The following CNTNAP4 variants were observed in gnomAD, a reference collection of about 807,000 sequenced individuals.
CNTNAP4 encodes the protein contactin-associated protein-like 4.
Under a neutral mutation model 148.4 loss-of-function variants are expected in CNTNAP4, and 98 were observed. The observed-to-expected ratio is 0.66, with a 90% confidence interval of 0.56 to 0.78. The LOEUF is 0.78. CNTNAP4 is among the 30% of genes least tolerant of loss of function. The pLI is 0.00. For synonymous variants in CNTNAP4, 730 were observed against 565.1 expected, an observed-to-expected ratio of 1.29 and a Z score of -4.14; for missense variants, 1,935 against 1,565.6, an observed-to-expected ratio of 1.24 and a Z score of -3.98.
chr16:76,453,630 A>G (rs942253771), intron 8 of CNTNAP4, among the ~76,000 whole-genome samples: 5 of 152,188 alleles, frequency 3.3e-5, no homozygotes, highest in African/African-American at 1.2e-4. Flanking sequence ...ACTCCTCTAT[A>G]TTAAGTATGA....
At chr16:76,398,621 C>G (rs565918482) in intron 3 of CNTNAP4, among the ~76,000 whole-genome samples, 2 of 152,194 alleles carry the variant, frequency 1.3e-5, no homozygotes, top group South Asian at 4.1e-4. Flanking sequence ...AAAAATTTTA[C>G]TACATAACAT....
chr16:76,491,350 C>T (rs944874493), intron 13 of CNTNAP4, among the ~76,000 whole-genome samples: 2 of 152,178 alleles, frequency 1.3e-5, no homozygotes, highest in African/African-American at 4.8e-5. Context: ...GCATCTAGAA[C>T]ATAGATAGAT....
At chr16:76,529,917 T>A (rs986704349) in intron 17 of CNTNAP4, among the ~76,000 whole-genome samples, 2 of 152,042 alleles carry the variant, frequency 1.3e-5, no homozygotes, top group Admixed American at 6.6e-5. Context: ...GTGAAATTTC[T>A]AGGTCACGGC....
intron 3 of CNTNAP4, among the ~76,000 whole-genome samples, chr16:76,424,925 A>G (rs1317414347): frequency 6.6e-6 from 1 of 152,156 alleles, no homozygotes; most frequent in Non-Finnish European, 1.5e-5. Flanking sequence ...AAATTGAAAT[A>G]ATCGATTTTT....
intron 2 of CNTNAP4, among the ~76,000 whole-genome samples, chr16:76,331,001 TGTG>T (rs1020340952): frequency 1.5e-4 from 23 of 152,332 alleles, no homozygotes; most frequent in African/African-American, 1.9e-4. Context: ...TTTTAAAAAT[TGTG>T]GTGAAATTCA....
At chr16:76,521,578 TTTAG>T (rs1020794116) in intron 16 of CNTNAP4, among the ~76,000 whole-genome samples, 2 of 152,194 alleles carry the variant, frequency 1.3e-5, no homozygotes, top group African/African-American at 4.8e-5. Context: ...AACACAATTT[TTTAG>T]TTAATTACAA....
chr16:76,367,896 T>C (rs764969235), intron 3 of CNTNAP4, among the ~76,000 whole-genome samples: 17 of 152,188 alleles, frequency 1.1e-4, no homozygotes, highest in African/African-American at 1.7e-4. Flanking sequence ...GCTGGTATCT[T>C]ATCAGTCCTA....
At chr16:76,500,410 T>A (rs1027891545) in intron 15 of CNTNAP4, among the ~76,000 whole-genome samples, 2 of 152,254 alleles carry the variant, frequency 1.3e-5, no homozygotes, top group African/African-American at 4.8e-5. Flanking sequence ...GCATCTCAAC[T>A]TGATTAGTTC....
chr16:76,521,641 C>A (rs989069996), intron 16 of CNTNAP4, among the ~76,000 whole-genome samples: 1 of 152,112 alleles, frequency 6.6e-6, no homozygotes, highest in Non-Finnish European at 1.5e-5. Context: ...CTGCTCTTAT[C>A]TTAATATCAA....
At chr16:76,437,202 T>C (rs1157253452) in intron 4 of CNTNAP4, among the ~76,000 whole-genome samples, 1 of 151,960 alleles carries the variant, frequency 6.6e-6, no homozygotes, top group Non-Finnish European at 1.5e-5. Context: ...CTGCCTGCTT[T>C]ATATTTGCTG....
At chr16:76,311,697 G>C (rs1961133120) in intron 1 of CNTNAP4, among the ~76,000 whole-genome samples, 1 of 152,086 alleles carries the variant, frequency 6.6e-6, no homozygotes, top group South Asian at 2.1e-4. Flanking sequence ...TTCTCTAATT[G>C]AAAGAAACAA....
chr16:76,390,844 CATT>C (rs780806698), intron 3 of CNTNAP4, among the ~76,000 whole-genome samples: 70 of 152,118 alleles, frequency 4.6e-4, no homozygotes, highest in African/African-American at 1.5e-3. Flanking sequence ...TTTTAATTCT[CATT>C]AACTGTTTTT....
At chr16:76,407,869 C>G (rs1452247419) in intron 3 of CNTNAP4, among the ~76,000 whole-genome samples, 2 of 152,018 alleles carry the variant, frequency 1.3e-5, no homozygotes, top group Non-Finnish European at 2.9e-5. Flanking sequence ...GCATCACATG[C>G]TACAGAGAAG....
chr16:76,412,227 G>C (rs2078824374), intron 3 of CNTNAP4, among the ~76,000 whole-genome samples: 1 of 151,226 alleles, frequency 6.6e-6, no homozygotes, highest in South Asian at 2.1e-4. Flanking sequence ...AAATATAGCA[G>C]TATTTAAAAA....
intron 21 of CNTNAP4, among the ~76,000 whole-genome samples, chr16:76,544,659 AT>A (rs1264299748): frequency 6.6e-6 from 1 of 152,214 alleles, no homozygotes; most frequent in Non-Finnish European, 1.5e-5. Flanking sequence ...TAATTTTACT[AT>A]AAAATTAAGC....
intron 17 of CNTNAP4, among the ~76,000 whole-genome samples, chr16:76,522,779 T>TC (rs1306957367): frequency 7.2e-6 from 1 of 138,364 alleles, no homozygotes; most frequent in African/African-American, 2.8e-5. Flanking sequence ...TTCTTTTCTT[T>TC]CTTGACAGAG....
At chr16:76,461,016 A>G (rs143914670) in intron 8 of CNTNAP4, among the ~76,000 whole-genome samples, 219 of 151,780 alleles carry the variant, frequency 1.4e-3, no homozygotes, top group African/African-American at 5.1e-3. Flanking sequence ...GCTTTAGTAT[A>G]ATGTTGTCAA....
chr16:76,357,628 A>G (rs1015711292), intron 3 of CNTNAP4, among the ~76,000 whole-genome samples: 6 of 152,190 alleles, frequency 3.9e-5, no homozygotes, highest in Non-Finnish European at 8.8e-5. Context: ...TTATCTCAAT[A>G]TCCCCAAAGT....
Position 76,509,512 on chromosome 16 carries a change from T to C in CNTNAP4, c.2365+10818T>C, listed in dbSNP as rs1180941069. On this transcript the variant is annotated intron_variant, in intron 15 of 23. Coordinates refer to ENST00000611870, the MANE Select transcript of CNTNAP4 (RefSeq NM_033401.5). ...TTAAGCCAAGATGGCTCATGAAATT[T>C]ATATATCTAACGAAGTATATTCAAC... 3.1e-5 allele frequency among the ~76,000 whole-genome samples: 3 copies of C among 98,192 alleles called. 1 individual carries two copies. Among genetic ancestry groups the C allele is most frequent in the Middle Eastern group, 0.014 (2 of 140 alleles). The allele number at this position is 98,192 out of a possible 152,430, so 64.4% of individuals were successfully genotyped here. A position where few individuals can be genotyped will look rare whatever the true frequency, so the allele number is the denominator to read the frequency against.
Sources: gnomAD v4.1 joint callset for allele counts (sites outside exome capture counted in the v4.1 genomes callset) on GRCh38, gnomAD v4.1.1 for gene constraint, MANE v1.5 for transcripts, NCBI Gene and HGNC (gene_info 2026-07-23, HGNC 2026-07-21) for gene names.